POU2F1: variants seen among roughly 807,000 people sequenced by gnomAD.
POU2F1 encodes POU class 2 homeobox 1.
Under a neutral mutation model 84.9 loss-of-function variants are expected in POU2F1, and 16 were observed. That is an observed-to-expected ratio of 0.19 (90% CI 0.13 to 0.29). The LOEUF is 0.29. Among genes scored for constraint, POU2F1 ranks in the 10% least tolerant of loss-of-function variants. The pLI, the probability that POU2F1 is intolerant of heterozygous loss-of-function variation, is 1.00. For missense variants in POU2F1, 738 were observed against 942.6 expected (o/e 0.78, Z 2.84); for synonymous variants, 368 against 368.3 (o/e 1.00, Z 0.01).
intron 1 of POU2F1, among the ~76,000 whole-genome samples, chr1:167,272,610 G>A (rs1411944776): frequency 6.6e-6 from 1 of 152,132 alleles, no homozygotes; most frequent in Non-Finnish European, 1.5e-5. Context: ...GCAGGAGGAA[G>A]AGAGAGAAGT....
intron 7 of POU2F1, among the ~76,000 whole-genome samples, chr1:167,378,175 G>A (rs1275362187): frequency 6.6e-6 from 1 of 152,158 alleles, no homozygotes; most frequent in Admixed American, 6.5e-5. Flanking sequence ...CAGTGTATAA[G>A]TGTTCCCTTT....
intron 8 of POU2F1, chr1:167,387,275 T>A (rs185202325): frequency 2.9e-5 from 13 of 454,780 alleles, no homozygotes; most frequent in Non-Finnish European, 5.8e-5. Flanking sequence ...AGTCCTTTAT[T>A]ATTTGAGAAT....
intron 1 of POU2F1, among the ~76,000 whole-genome samples, chr1:167,221,295 C>T (rs1405012182): frequency 6.6e-6 from 1 of 151,258 alleles, no homozygotes; most frequent in East Asian, 2.0e-4. Flanking sequence ...CGCCGCCGTG[C>T]CCGAACCCGA....
intron 1 of POU2F1, among the ~76,000 whole-genome samples, chr1:167,280,313 A>AT (rs539166486): frequency 6.2e-4 from 90 of 145,404 alleles, no homozygotes; most frequent in South Asian, 2.2e-3. Flanking sequence ...TTTGAGCTTG[A>AT]TTTTTTTTTT....
chr1:167,237,260 G>T (rs1050489856), intron 1 of POU2F1, among the ~76,000 whole-genome samples: 3 of 152,176 alleles, frequency 2.0e-5, no homozygotes, highest in Admixed American at 6.5e-5. Context: ...GCGTGTTGGG[G>T]AGTGTAAACG....
At position 167,420,619 on chromosome 1, in the gene POU2F1, A is replaced by G. The variant is rs1241470460; in HGVS notation, c.*4809A>G. 1.3e-5 allele frequency: 2 copies of G among 152,276 alleles called. No individual in the cohort carries two copies. The highest frequency in any genetic ancestry group is 4.8e-5 in the African/African-American group (2 of 41,472). 9.4% of individuals were successfully genotyped at this position (152,276 alleles called of 1,614,324 possible). A position where few individuals can be genotyped will look rare whatever the true frequency, so the allele number is the denominator to read the frequency against. On this transcript the variant is annotated 3_prime_UTR_variant, in exon 16 of 16. Transcript: ENST00000367866. ...CTTGACCAAGAAAAAAGATAAGGTCATTGAGATAGGAAGACAGAGGAAAAG... is the reference window on the plus strand; with the variant it reads ...CTTGACCAAGAAAAAAGATAAGGTCGTTGAGATAGGAAGACAGAGGAAAAG...
At position 167,424,210 on chromosome 1, in the gene POU2F1, G is replaced by T. The variant is rs1394533193; in HGVS notation, c.*8400G>T. The T allele has an allele frequency of 6.6e-6, 1 of 152,264 alleles. No homozygotes were observed. The highest frequency in any genetic ancestry group is 1.5e-5 in the Non-Finnish European group (1 of 68,058). The allele number at this position is 152,264 out of a possible 1,614,324, so 9.4% of individuals were successfully genotyped here. On this transcript the variant is annotated 3_prime_UTR_variant, in exon 16 of 16. Transcript: ENST00000367866. ...CTGAATAGGTTTAAAACTGCAAACAGTTGGAGAACATGGAACAGGTTGGTG... is the reference window on the plus strand; with the variant it reads ...CTGAATAGGTTTAAAACTGCAAACATTTGGAGAACATGGAACAGGTTGGTG...
At position 167,416,087 on chromosome 1, in the gene POU2F1, TAAA is replaced by T. The variant is rs34032944; in HGVS notation, c.*294_*296del. The T allele has an allele frequency of 0.017, 5,857 of 346,092 alleles. 1 individual carries two copies. Among genetic ancestry groups the T allele is most frequent in the South Asian group, 0.022 (994 of 46,070 alleles). The allele number at this position is 346,092 out of a possible 1,614,324, so 21.4% of individuals were successfully genotyped here. A position where few individuals can be genotyped will look rare whatever the true frequency, so the allele number is the denominator to read the frequency against. Reference sequence around the variant, plus strand: ...ATTGGAGAACTTTCTAACCAAAAATTAAAAAAAAAAAAAAAAAAAGAAACAAAA... The same window carrying T: ...ATTGGAGAACTTTCTAACCAAAAATTAAAAAAAAAAAAAAAAGAAACAAAA... On this transcript the variant is annotated 3_prime_UTR_variant, in exon 16 of 16. Transcript: ENST00000367866.
At chr1:167,272,079 A>G (rs1652404965) in intron 1 of POU2F1, among the ~76,000 whole-genome samples, 1 of 152,204 alleles carries the variant, frequency 6.6e-6, no homozygotes, top group Non-Finnish European at 1.5e-5. Context: ...AAACACTAAA[A>G]TGTTTACTTT....
At chr1:167,362,697 G>T (rs1176679321) in intron 2 of POU2F1, among the ~76,000 whole-genome samples, 1 of 152,180 alleles carries the variant, frequency 6.6e-6, no homozygotes, top group East Asian at 1.9e-4. Context: ...TTTTGTTGGG[G>T]TTTCTGTGGG....
At chr1:167,237,746 G>GTGTGTGTGTATATATATATATATA (rs1478366181) in intron 1 of POU2F1, among the ~76,000 whole-genome samples, 4 of 72,984 alleles carry the variant, frequency 5.5e-5, no homozygotes, top group Non-Finnish European at 7.3e-5. Context: ...ATGTGTGTGT[G>GTGTGTGTGTATATATATATATATA]TATATATATA....
chr1:167,343,794 T>A (rs1017256465), intron 2 of POU2F1, among the ~76,000 whole-genome samples: 2 of 151,838 alleles, frequency 1.3e-5, no homozygotes, highest in Admixed American at 1.3e-4. Flanking sequence ...GGGAGTAGAC[T>A]TGACAATGAG....
intron 4 of POU2F1, among the ~76,000 whole-genome samples, chr1:167,371,469 C>T (rs1659995536): frequency 6.6e-6 from 1 of 152,128 alleles, no homozygotes; most frequent in Non-Finnish European, 1.5e-5. Flanking sequence ...GCTAGATTTA[C>T]CGTTCTGTAA....
chr1:167,263,442 G>A (rs1231068400), intron 1 of POU2F1, among the ~76,000 whole-genome samples: 3 of 151,886 alleles, frequency 2.0e-5, no homozygotes, highest in East Asian at 1.9e-4. Flanking sequence ...GCTTGAACCC[G>A]GGAGGCAGAG....
intron 1 of POU2F1, among the ~76,000 whole-genome samples, chr1:167,244,041 T>G (rs1330856619): frequency 6.6e-6 from 1 of 152,142 alleles, no homozygotes; most frequent in African/African-American, 2.4e-5. Flanking sequence ...TCATCCTGCC[T>G]CTTGAGAATC....
intron 1 of POU2F1, among the ~76,000 whole-genome samples, chr1:167,264,594 G>A (rs1160619932): frequency 6.6e-6 from 1 of 152,160 alleles, no homozygotes; most frequent in East Asian, 1.9e-4. Flanking sequence ...ATATCACTGT[G>A]ATTAATAATA....
chr1:167,346,066 T>C (rs1658176310), intron 2 of POU2F1, among the ~76,000 whole-genome samples: 1 of 151,716 alleles, frequency 6.6e-6, no homozygotes, highest in Admixed American at 6.6e-5. Flanking sequence ...TCCCAGCTAC[T>C]TGGGAGGCTA....
intron 1 of POU2F1, among the ~76,000 whole-genome samples, chr1:167,280,475 G>GT (rs927169684): frequency 5.9e-5 from 9 of 151,826 alleles, no homozygotes; most frequent in African/African-American, 2.2e-4. Context: ...CAATAAAACA[G>GT]TTTCTATAGT....
At chr1:167,229,307 A>G (rs1202184130) in intron 1 of POU2F1, among the ~76,000 whole-genome samples, 1 of 152,058 alleles carries the variant, frequency 6.6e-6, no homozygotes, top group African/African-American at 2.4e-5. Context: ...AGATGTAGGG[A>G]TGTTGGGAAA....
Sources: allele counts gnomAD v4.1 joint callset (sites outside exome capture counted in the v4.1 genomes callset), GRCh38; gene constraint gnomAD v4.1.1; transcripts MANE v1.5; gene names NCBI Gene and HGNC (gene_info 2026-07-23, HGNC 2026-07-21).